ZNF385D: variants seen among roughly 807,000 people sequenced by gnomAD.
The protein encoded by ZNF385D is zinc finger protein 385D.
A neutral mutation model predicts 35.8 loss-of-function variants in ZNF385D; 15 were observed. The observed-to-expected ratio is 0.42, with a 90% CI of 0.28 to 0.64. ZNF385D has a LOEUF of 0.64. Ranked by LOEUF, ZNF385D falls within the 30% of genes least tolerant of loss-of-function variation. ZNF385D has a pLI of 0.23. For missense variants in ZNF385D, 474 were observed against 494.6 expected (o/e 0.96, Z 0.39); for synonymous variants, 212 against 186.8 (o/e 1.13, Z -1.10).
In ZNF385D at chr3:22,169,779, C is replaced by T. The variant is rs573849684; in HGVS notation, c.107-744G>A. Among the ~76,000 whole-genome samples the T allele has an allele frequency of 3.3e-5, 5 of 152,258 alleles. No individual in the cohort carries two copies. In the South Asian group the frequency reaches 1.0e-3, roughly 32 times the overall value. On this transcript the variant is annotated intron_variant, in intron 2 of 5. Transcript: ENST00000494108. Reference sequence around the variant, plus strand: ...AAAGGTCAACCCATAATTTCAGTATCTCTGGCCTTAATATGACATTTATTT... The same window carrying T: ...AAAGGTCAACCCATAATTTCAGTATTTCTGGCCTTAATATGACATTTATTT...
intron 2 of ZNF385D, among the ~76,000 whole-genome samples, chr3:22,178,734 CTT>C (rs1695010216): frequency 6.6e-6 from 1 of 152,150 alleles, no homozygotes; most frequent in Non-Finnish European, 1.5e-5. Context: ...ACATGTAAGT[CTT>C]TAATTATCTT....
intron 3 of ZNF385D, among the ~76,000 whole-genome samples, chr3:22,061,276 A>G (rs1178158580): frequency 6.6e-6 from 1 of 152,190 alleles, no homozygotes; most frequent in East Asian, 1.9e-4. Flanking sequence ...GAATAATATC[A>G]TAAGGCCAAA....
At chr3:21,823,794 G>A (rs1028380951) in intron 3 of ZNF385D, among the ~76,000 whole-genome samples, 6 of 152,208 alleles carry the variant, frequency 3.9e-5, no homozygotes, top group South Asian at 4.2e-4. Context: ...AGATTGTGCC[G>A]CATTGTCAGA....
chr3:22,219,631 C>T, intron 2 of ZNF385D, among the ~76,000 whole-genome samples: 1 of 152,142 alleles, frequency 6.6e-6, no homozygotes, highest in Non-Finnish European at 1.5e-5. Context: ...CAGAATATTT[C>T]AGGTTTCATA....
At chr3:22,121,090 T>C (rs1251067432) in intron 3 of ZNF385D, among the ~76,000 whole-genome samples, 1 of 152,222 alleles carries the variant, frequency 6.6e-6, no homozygotes, top group Non-Finnish European at 1.5e-5. Context: ...TGTTGCCTAC[T>C]GTGAATTATG....
intron 3 of ZNF385D, among the ~76,000 whole-genome samples, chr3:21,765,815 T>C (rs2070807362): frequency 6.6e-6 from 1 of 152,064 alleles, no homozygotes; most frequent in African/African-American, 2.4e-5. Flanking sequence ...AGGTAGGCTT[T>C]GGTTAATTCA....
At chr3:22,001,985 A>G (rs1215165187) in intron 3 of ZNF385D, among the ~76,000 whole-genome samples, 1 of 152,044 alleles carries the variant, frequency 6.6e-6, no homozygotes, top group Non-Finnish European at 1.5e-5. Context: ...GCTATATCAA[A>G]GAAGTAGATT....
chr3:21,975,185 T>C (rs139907641), intron 3 of ZNF385D, among the ~76,000 whole-genome samples: 96 of 152,254 alleles, frequency 6.3e-4, no homozygotes, highest in African/African-American at 2.3e-3. Flanking sequence ...AACAGACAAA[T>C]TGATAAGGAA....
At chr3:22,258,407 G>C (rs374968907) in intron 2 of ZNF385D, among the ~76,000 whole-genome samples, 1 of 151,780 alleles carries the variant, frequency 6.6e-6, no homozygotes, top group African/African-American at 2.4e-5. Flanking sequence ...AAAGTAAATT[G>C]TGAAACAAAT....
At position 21,663,902 on chromosome 3, in the gene ZNF385D, TA is replaced by T. The variant is rs1469411549; in HGVS notation, c.165+983del. On this transcript the variant is annotated intron_variant, in intron 2 of 7. Coordinates refer to ENST00000281523, the MANE Select transcript of ZNF385D (RefSeq NM_024697.3). The stretch of plus-strand genomic sequence containing the variant: ...TAATTGTGGGCCGAATATATATATA[TA>T]TATATATATATATATTTATTTATTT... Among the ~76,000 whole-genome samples, 272 of 119,472 alleles carry T rather than the reference TA, an allele frequency of 2.3e-3. 13 individuals carry two copies. Among genetic ancestry groups the T allele is most frequent in the African/African-American group, 8.2e-3 (258 of 31,596 alleles). 78.4% of individuals were successfully genotyped at this position (119,472 alleles called of 152,430 possible).
chr3:21,692,631 T>C (rs1337266723), intron 1 of ZNF385D, among the ~76,000 whole-genome samples: 1 of 152,240 alleles, frequency 6.6e-6, no homozygotes. Flanking sequence ...GATCACACCC[T>C]TGCTGCACTC....
At chr3:22,263,391 C>CT (rs1440714005) in intron 2 of ZNF385D, among the ~76,000 whole-genome samples, 3 of 151,986 alleles carry the variant, frequency 2.0e-5, no homozygotes, top group South Asian at 2.1e-4. Flanking sequence ...CATCTTTCAA[C>CT]TTTTTTTTCC....
intron 2 of ZNF385D, among the ~76,000 whole-genome samples, chr3:22,330,161 C>A (rs186499046): frequency 6.2e-4 from 94 of 152,222 alleles, no homozygotes; most frequent in African/African-American, 2.2e-3. Context: ...AAATTTCTCA[C>A]TGATTCATTT....
chr3:22,255,948 C>A (rs537324664), intron 2 of ZNF385D, among the ~76,000 whole-genome samples: 1 of 151,522 alleles, frequency 6.6e-6, no homozygotes, highest in Non-Finnish European at 1.5e-5. Context: ...GTCAGTGGGG[C>A]TGGGAAAGGC....
intron 2 of ZNF385D, among the ~76,000 whole-genome samples, chr3:22,172,641 T>G (rs1694540964): frequency 6.6e-6 from 1 of 151,920 alleles, no homozygotes; most frequent in Non-Finnish European, 1.5e-5. Flanking sequence ...TAATTAAGAA[T>G]CAAAAGTTGT....
intron 4 of ZNF385D, among the ~76,000 whole-genome samples, chr3:21,451,818 T>C (rs905245641): frequency 2.6e-5 from 4 of 152,080 alleles, no homozygotes; most frequent in Admixed American, 1.3e-4. Flanking sequence ...AACTAGCTCA[T>C]TGATATAAAG....
At chr3:21,815,920 CA>C (rs1342081520) in intron 3 of ZNF385D, among the ~76,000 whole-genome samples, 3 of 152,038 alleles carry the variant, frequency 2.0e-5, no homozygotes, top group African/African-American at 7.2e-5. Flanking sequence ...AACATCGATG[CA>C]AAAATCCTCA....
At chr3:22,175,998 T>C (rs1468803797) in intron 2 of ZNF385D, among the ~76,000 whole-genome samples, 2 of 151,194 alleles carry the variant, frequency 1.3e-5, no homozygotes, top group East Asian at 1.9e-4. Flanking sequence ...TATTTCACTA[T>C]TAAAATTGTA....
At chr3:21,933,449 G>T (rs566619388) in intron 3 of ZNF385D, among the ~76,000 whole-genome samples, 35 of 152,256 alleles carry the variant, frequency 2.3e-4, no homozygotes, top group African/African-American at 7.7e-4. Flanking sequence ...AATTTAAGAA[G>T]ATACTAATAC....
Sources: allele counts gnomAD v4.1 joint callset (sites outside exome capture counted in the v4.1 genomes callset), GRCh38; gene constraint gnomAD v4.1.1; transcripts MANE v1.5; gene names NCBI Gene and HGNC (gene_info 2026-07-23, HGNC 2026-07-21).